The following DSTYK variants were observed in gnomAD, a reference collection of about 807,000 sequenced individuals.
DSTYK encodes the protein dual serine/threonine and tyrosine protein kinase, also known as RIP-homologous kinase.
A neutral mutation model predicts 98.7 loss-of-function variants in DSTYK; 34 were observed. That is an observed-to-expected ratio of 0.34 (90% confidence interval 0.26 to 0.46). The LOEUF (loss-of-function observed/expected upper bound fraction) is 0.46. Ranked by LOEUF, DSTYK falls within the 20% of genes least tolerant of loss-of-function variation. The pLI is 1.00. For missense variants in DSTYK, 962 were observed against 1,181.7 expected (o/e 0.81, Z 2.73); for synonymous variants, 462 against 457.3 (o/e 1.01, Z -0.13).
intron 1 of DSTYK, 76 bp from the exon 2 acceptor site, chr1:205,187,882 T>A: frequency 1.5e-6 from 2 of 1,314,360 alleles, no homozygotes; most frequent in Non-Finnish European, 2.1e-6. Context: ...AGAGAGAGAC[T>A]CACGCAGAAA....
At chr1:205,198,688 T>C (rs1392963726) in intron 1 of DSTYK, among the ~76,000 whole-genome samples, 1 of 152,164 alleles carries the variant, frequency 6.6e-6, no homozygotes, top group Non-Finnish European at 1.5e-5. Flanking sequence ...GATAGGGCCT[T>C]AGTCTTTGCT....
chr1:205,187,750 C>T lies in DSTYK; in HGVS notation c.322G>A (p.Val108Met). 6.2e-7 allele frequency: 1 copy of T among 1,614,130 alleles called. No individual in the cohort carries two copies. Among genetic ancestry groups the T allele is most frequent in the Non-Finnish European group, 8.5e-7 (1 of 1,180,014 alleles). ...PKEEKYLQQI[V>M]DCLPCILILG... ...ATCAGTATGCAAGGGAGGCAGTCCA[C>T]AATCTGCTGGAGGTACTTCTCTTCC... The change falls in exon 2 of 13, where the codon GTG becomes ATG. Residue 108 changes from valine (V) to methionine (M), a missense_variant. This residue lies in a region of DSTYK where 660 missense variants were observed against 855.0 expected (regional missense o/e 0.77). Transcript: ENST00000367162.
intron 2 of DSTYK, among the ~76,000 whole-genome samples, chr1:205,177,385 T>C (rs936888446): frequency 1.3e-5 from 2 of 152,198 alleles, no homozygotes; most frequent in Admixed American, 1.3e-4. Context: ...CTTGTCCCCA[T>C]ATTCTAGCTA....
Position 205,169,462 on chromosome 1 carries a change from T to G in DSTYK, c.1025A>C (p.His342Pro). 2 of 1,614,138 alleles carry G rather than the reference T, an allele frequency of 1.2e-6. No individual in the cohort carries two copies. The highest frequency in any genetic ancestry group is 1.7e-6 in the Non-Finnish European group (2 of 1,180,038). ...MLVEQSEKLRHLSTFSHQVLQ... is the reference protein window; with the variant it reads ...MLVEQSEKLRPLSTFSHQVLQ... ...CACCTGGTGAGAAAATGTGCTCAAG[T>G]GTCTCAGCTTTTCACTCTGTTCCAC... is the stretch of plus-strand genomic sequence containing the variant. Residue 342 changes from histidine (H) to proline (P), a missense_variant, in exon 3 of 13, where the codon CAC becomes CCC. Transcript: ENST00000367162. The surrounding 1 kb of genome is among the most constrained non-coding windows in gnomAD (Gnocchi z 4.0).
chr1:205,203,725 G>A (rs1334316130), intron 1 of DSTYK, among the ~76,000 whole-genome samples: 1 of 151,876 alleles, frequency 6.6e-6, no homozygotes, highest in African/African-American at 2.4e-5. Context: ...AGACCAGCCT[G>A]ACCAATATGG....
At chr1:205,154,497 C>T (rs575336038) in intron 10 of DSTYK, among the ~76,000 whole-genome samples, 1 of 152,284 alleles carries the variant, frequency 6.6e-6, no homozygotes. Flanking sequence ...TGATGGTAAG[C>T]TTCCTGAGGC....
At chr1:205,202,695 G>C (rs1442107634) in intron 1 of DSTYK, 1 of 1,028,384 alleles carries the variant, frequency 9.7e-7, no homozygotes, top group Admixed American at 1.7e-5. Flanking sequence ...AGAAGAAAAA[G>C]TTATCCCAGA....
intron 1 of DSTYK, among the ~76,000 whole-genome samples, chr1:205,188,035 CTG>C (rs1658608973): frequency 6.6e-6 from 1 of 152,160 alleles, no homozygotes; most frequent in African/African-American, 2.4e-5. Flanking sequence ...TAGGAACAAA[CTG>C]TTATTTCTAC....
chr1:205,179,331 C>A (rs367978794), intron 2 of DSTYK, among the ~76,000 whole-genome samples: 2 of 151,716 alleles, frequency 1.3e-5, no homozygotes, highest in Non-Finnish European at 2.9e-5. Context: ...AAAAGATAGA[C>A]TAGATGCGGC....
At chr1:205,167,883 G>A (rs758488893) in intron 3 of DSTYK, among the ~76,000 whole-genome samples, 26 of 152,174 alleles carry the variant, frequency 1.7e-4, no homozygotes, top group African/African-American at 5.6e-4. Flanking sequence ...AGGCCGAGGC[G>A]GGTAGATTAC....
At chr1:205,174,928 G>A (rs1048859937) in intron 2 of DSTYK, among the ~76,000 whole-genome samples, 3 of 151,108 alleles carry the variant, frequency 2.0e-5, no homozygotes, top group African/African-American at 7.3e-5. Context: ...GTAGAGATGG[G>A]GTTTCTCCAT....
intron 11 of DSTYK, among the ~76,000 whole-genome samples, chr1:205,149,484 T>C (rs1657341659): frequency 6.6e-6 from 1 of 152,206 alleles, no homozygotes; most frequent in Non-Finnish European, 1.5e-5. Flanking sequence ...CGTGGAGTCA[T>C]CTTTTAGTCA....
intron 1 of DSTYK, among the ~76,000 whole-genome samples, chr1:205,195,803 C>T (rs866109618): frequency 1.3e-5 from 2 of 152,200 alleles, no homozygotes; most frequent in East Asian, 1.9e-4. Flanking sequence ...CTGGGAGCCA[C>T]GTGAAATGGG....
intron 1 of DSTYK, among the ~76,000 whole-genome samples, chr1:205,193,523 C>T (rs928205710): frequency 6.6e-6 from 1 of 152,078 alleles, no homozygotes; most frequent in South Asian, 2.1e-4. Context: ...TCCCCTTTTT[C>T]TCCCCTTAAG....
At position 205,211,428 on chromosome 1, in the gene DSTYK, G is replaced by C. The variant is rs755652146; in HGVS notation, c.108C>G (p.Arg36=). The change falls in exon 1 of 13, where the codon CGC becomes CGG. Residue 36 remains arginine, a synonymous_variant. Transcript: ENST00000367162. ...ELCRGFGRYR[R]YLGRLRQNLR... is the part of the protein sequence containing the mutation. ...GGTTCTGTCGCAGCCGTCCCAGGTAGCGGCGGTAGCGGCCGAAGCCCCGGC... is the reference window on the plus strand; with the variant it reads ...GGTTCTGTCGCAGCCGTCCCAGGTACCGGCGGTAGCGGCCGAAGCCCCGGC... 3 of 1,606,436 alleles carry C rather than the reference G, an allele frequency of 1.9e-6. No homozygotes were observed. In the East Asian group the frequency reaches 6.7e-5, roughly 36 times the overall value.
chr1:205,160,069 C>A, intron 8 of DSTYK, 45 bp downstream of exon 8: 2 of 1,608,996 alleles, frequency 1.2e-6, no homozygotes, highest in South Asian at 2.2e-5. Flanking sequence ...GTTCTAGATT[C>A]TTCTCTGGAT....
intron 6 of DSTYK, 44 bp downstream of exon 6, chr1:205,161,992 C>T: frequency 6.3e-7 from 1 of 1,585,860 alleles, no homozygotes; most frequent in Non-Finnish European, 8.6e-7. Flanking sequence ...GGATGAGGCT[C>T]TTCTCTGCTT....
chr1:205,200,313 T>C (rs527882950), intron 1 of DSTYK, among the ~76,000 whole-genome samples: 25 of 151,716 alleles, frequency 1.6e-4, no homozygotes, highest in African/African-American at 5.8e-4. Context: ...GCTGGGATTA[T>C]AGGCATGAGC....
At chr1:205,203,054 T>C (rs1014313249) in intron 1 of DSTYK, among the ~76,000 whole-genome samples, 3 of 152,148 alleles carry the variant, frequency 2.0e-5, no homozygotes, top group Non-Finnish European at 2.9e-5. Context: ...AGACTGGATT[T>C]TTATTTAAAT....
Sources: gnomAD v4.1 joint callset for allele counts (sites outside exome capture counted in the v4.1 genomes callset) on GRCh38, gnomAD v4.1.1 for gene constraint, gnomAD v4.1.1 regional missense constraint, Gnocchi (gnomAD v3.1) non-coding constraint, MANE v1.5 for transcripts, NCBI Gene and HGNC (gene_info 2026-07-23, HGNC 2026-07-21) for gene names.